The following TRPA1 variants were observed in gnomAD, a reference collection of about 807,000 sequenced individuals.
TRPA1 encodes transient receptor potential cation channel subfamily A member 1.
Under a neutral mutation model 131.3 loss-of-function variants are expected in TRPA1, and 129 were observed. The observed-to-expected ratio is 0.98, with a 90% CI of 0.85 to 1.14. The LOEUF is 1.14. Among genes scored for constraint, TRPA1 ranks in the 50% most tolerant of loss-of-function variants. TRPA1 has a pLI of 0.00. For synonymous variants in TRPA1, 441 were observed against 451.7 expected (o/e 0.98, Z 0.30); for missense variants, 1,304 against 1,354.2 (o/e 0.96, Z 0.58).
intron 1 of TRPA1, among the ~76,000 whole-genome samples, chr8:72,073,084 G>A (rs1159351805): frequency 6.6e-6 from 1 of 152,156 alleles, no homozygotes; most frequent in East Asian, 1.9e-4. Flanking sequence ...TTTGGAATCT[G>A]AACTATGTGA....
At chr8:72,062,995 G>C (rs1435326381) in intron 5 of TRPA1, 51 bp from the exon 6 acceptor site, 9 of 1,535,162 alleles carry the variant, frequency 5.9e-6, no homozygotes, top group Non-Finnish European at 8.0e-6. Context: ...ATAAATAATA[G>C]GGAGGTTTTT....
chr8:72,080,340 G>A (rs1806264935), upstream of TRPA1, among the ~76,000 whole-genome samples: 1 of 151,668 alleles, frequency 6.6e-6, no homozygotes, highest in African/African-American at 2.4e-5. Context: ...TCAAGAGTGG[G>A]TGTTTAATTT....
At chr8:72,063,854 A>G (rs1017057532) in intron 4 of TRPA1, among the ~76,000 whole-genome samples, 1 of 152,176 alleles carries the variant, frequency 6.6e-6, no homozygotes, top group African/African-American at 2.4e-5. Context: ...AATGGGATTA[A>G]TGAGATTTTT....
chr8:72,023,594 A>T, intron 26 of TRPA1: 1 of 484,364 alleles, frequency 2.1e-6, no homozygotes. Context: ...TTTAATTTTT[A>T]TTCACTTATG....
intron 7 of TRPA1, among the ~76,000 whole-genome samples, chr8:72,061,230 G>A (rs1805801161): frequency 6.6e-6 from 1 of 152,084 alleles, no homozygotes; most frequent in Non-Finnish European, 1.5e-5. Context: ...GGATTAGTGT[G>A]GGGGTGACAT....
At position 72,038,016 on chromosome 8, in the gene TRPA1, C is replaced by A. The variant is rs1248935634; in HGVS notation, c.2352G>T (p.Gly784=). ...MILVFLSSIF[G]YCKEAGQIFQ... is the part of the protein sequence containing the mutation. ...AAATTTGCCCCGCTTCTTTGCAATA[C>A]CCAAATATACTTGATAAAAACACTA... is the stretch of plus-strand genomic sequence containing the variant. The change falls in exon 20 of 27, where the codon GGG becomes GGT. Residue 784 remains glycine, a synonymous_variant. Transcript: ENST00000262209. 1.9e-6 allele frequency: 3 copies of A among 1,602,328 alleles called. No individual in the cohort carries two copies. Among genetic ancestry groups the A allele is most frequent in the Admixed American group, 1.7e-5 (1 of 59,760 alleles).
At chr8:72,057,850 T>G in intron 8 of TRPA1, 34 bp from the exon 9 acceptor site, 1 of 1,446,646 alleles carries the variant, frequency 6.9e-7, no homozygotes, top group Non-Finnish European at 9.7e-7. Flanking sequence ...ACAAAGAGCT[T>G]AGAAACAGAT....
At chr8:72,047,899 T>C (rs748656446) in intron 15 of TRPA1, among the ~76,000 whole-genome samples, 13 of 152,108 alleles carry the variant, frequency 8.5e-5, no homozygotes, top group South Asian at 2.1e-4. Context: ...TGACAACTTA[T>C]TGTTCTTAAT....
At chr8:72,061,548 T>A (rs1276356495) in intron 7 of TRPA1, 77 bp downstream of exon 7, 9 of 1,559,032 alleles carry the variant, frequency 5.8e-6, no homozygotes, top group Middle Eastern at 1.7e-4. Context: ...GCATTAGTGC[T>A]AACTGCTCCT....
chr8:72,058,502 A>G (rs1487257476), intron 8 of TRPA1, among the ~76,000 whole-genome samples: 2 of 152,160 alleles, frequency 1.3e-5, no homozygotes, highest in Admixed American at 1.3e-4. Flanking sequence ...TTAAAATCCA[A>G]ACGTGAATAT....
At chr8:72,059,129 A>T (rs2129435875) in intron 8 of TRPA1, among the ~76,000 whole-genome samples, 1 of 152,326 alleles carries the variant, frequency 6.6e-6, no homozygotes, top group South Asian at 2.1e-4. Context: ...CTTGCAATGT[A>T]CCTGCCAACT....
intron 21 of TRPA1, 93 bp from the exon 22 acceptor site, chr8:72,034,470 A>G (rs919839173): frequency 1.3e-6 from 1 of 790,824 alleles, no homozygotes; most frequent in Non-Finnish European, 1.9e-6. Context: ...ACCAGGTATT[A>G]GATTTCACAG....
chr8:72,057,092 G>A, intron 9 of TRPA1, 75 bp from the exon 10 acceptor site: 2 of 1,220,652 alleles, frequency 1.6e-6, no homozygotes, highest in Non-Finnish European at 1.1e-6. Flanking sequence ...TTTCAACTTA[G>A]CAAAAAAAAA....
chr8:72,058,576 C>A (rs1805731422), intron 8 of TRPA1, among the ~76,000 whole-genome samples: 2 of 152,190 alleles, frequency 1.3e-5, no homozygotes, highest in Admixed American at 1.3e-4. Context: ...CCTTGGCAAG[C>A]TCCACGGTCA....
chr8:72,036,508 T>C (rs1197904185), intron 20 of TRPA1, 51 bp from the exon 21 acceptor site: 3 of 1,534,626 alleles, frequency 2.0e-6, no homozygotes, highest in East Asian at 2.3e-5. Context: ...CTAGCATCTA[T>C]GGATGGTTAT....
At chr8:72,033,558 G>A in intron 23 of TRPA1, 86 bp downstream of exon 23, 1 of 1,273,186 alleles carries the variant, frequency 7.9e-7, no homozygotes, top group African/African-American at 1.5e-5. Flanking sequence ...CCCCAGTGGA[G>A]GAAGATTAAA....
intron 8 of TRPA1, among the ~76,000 whole-genome samples, chr8:72,058,192 CAT>C (rs1178296837): frequency 6.6e-6 from 1 of 152,104 alleles, no homozygotes; most frequent in Non-Finnish European, 1.5e-5. Context: ...AAATTCATTA[CAT>C]ATATGATTTA....
At chr8:72,072,327 T>G (rs992308118) in intron 1 of TRPA1, among the ~76,000 whole-genome samples, 3 of 152,356 alleles carry the variant, frequency 2.0e-5, no homozygotes, top group Non-Finnish European at 2.9e-5. Context: ...AGGTATTTAA[T>G]GTATCCTTAA....
intron 14 of TRPA1, 22 bp downstream of exon 14, chr8:72,052,577 A>G: frequency 1.2e-6 from 2 of 1,613,162 alleles, no homozygotes; most frequent in Non-Finnish European, 1.7e-6. Flanking sequence ...ACTAAATGAC[A>G]GTGGACAGGA....
Sources: allele counts gnomAD v4.1 joint callset (sites outside exome capture counted in the v4.1 genomes callset), GRCh38; gene constraint gnomAD v4.1.1; transcripts MANE v1.5; gene names NCBI Gene and HGNC (gene_info 2026-07-23, HGNC 2026-07-21).